Variants in NEK7 observed in about 807,000 individuals in gnomAD.
NEK7 encodes serine/threonine-protein kinase Nek7.
In NEK7, 18 loss-of-function variants were observed where a neutral mutation model predicts 44.6. The ratio of observed to expected loss-of-function variants is 0.40; its 90% confidence interval spans 0.28 to 0.60. The LOEUF is 0.60. Ranked by LOEUF, NEK7 falls within the 20% of genes least tolerant of loss-of-function variation. The pLI is 0.38. For missense variants in NEK7, 256 were observed against 366.5 expected (o/e 0.70, Z 2.46); for synonymous variants, 130 against 121.1 (o/e 1.07, Z -0.48).
At chr1:198,190,852 T>G (rs1665053261) in intron 1 of NEK7, among the ~76,000 whole-genome samples, 1 of 152,088 alleles carries the variant, frequency 6.6e-6, no homozygotes, top group Non-Finnish European at 1.5e-5. Context: ...AATCTTGGCT[T>G]TTCTAGACTA....
At position 198,321,404 on chromosome 1, in the gene NEK7, A is replaced by G. The variant is rs1655531271; in HGVS notation, c.*1882A>G. Reference sequence around the variant, plus strand: ...TAGAAGTATGAGAAGAATTATTCTTATTGACCATTAATGTCATGTTCATTT... The same window carrying G: ...TAGAAGTATGAGAAGAATTATTCTTGTTGACCATTAATGTCATGTTCATTT... On this transcript the variant is annotated 3_prime_UTR_variant, in exon 10 of 10. Coordinates refer to ENST00000367385, the MANE Select transcript of NEK7 (RefSeq NM_133494.3). 1 of 152,280 alleles carries G rather than the reference A, an allele frequency of 6.6e-6. No individual in the cohort carries two copies. The highest frequency in any genetic ancestry group is 6.5e-5 in the Admixed American group (1 of 15,300). 9.4% of individuals were successfully genotyped at this position (152,280 alleles called of 1,614,324 possible). A position where few individuals can be genotyped will look rare whatever the true frequency, so the allele number is the denominator to read the frequency against.
rs550461834 is a variant in NEK7 at position 198,189,025 on chromosome 1, T to C, written c.-29+31749T>C. Among the ~76,000 whole-genome samples the C allele has an allele frequency of 8.8e-4, 134 of 152,312 alleles. 1 individual carries two copies. The highest frequency in any genetic ancestry group is 3.4e-3 in the Middle Eastern group (1 of 294). On this transcript the variant is annotated intron_variant, in intron 1 of 9. Transcript: ENST00000367385. ...GTGATGATTTGTAGGTTATGGATAATATTTACATATCTGAATATTTCAATA... is the reference window on the plus strand; with the variant it reads ...GTGATGATTTGTAGGTTATGGATAACATTTACATATCTGAATATTTCAATA...
At chr1:198,171,361 TA>T (rs1349699541) in intron 1 of NEK7, among the ~76,000 whole-genome samples, 2 of 152,180 alleles carry the variant, frequency 1.3e-5, no homozygotes, top group African/African-American at 4.8e-5. Context: ...GCCTTCAGAA[TA>T]ATTTCTAACC....
Position 198,265,454 on chromosome 1 carries a change from G to A in NEK7, c.372+1219G>A, listed in dbSNP as rs1447836897. On this transcript the variant is annotated intron_variant, in intron 5 of 9. Coordinates refer to ENST00000367385, the MANE Select transcript of NEK7 (RefSeq NM_133494.3). ...TTAAAAGCAAGCAAAGGAATGAAAG[G>A]TTCATAGAGGGAAGAAAAGGGAAGC... Among the ~76,000 whole-genome samples the A allele has an allele frequency of 2.6e-5, 4 of 152,118 alleles. No individual in the cohort carries two copies. The South Asian group carries it at 8.3e-4, about 31-fold the overall frequency.
At chr1:198,166,631 G>A (rs528103525) in intron 1 of NEK7, among the ~76,000 whole-genome samples, 5 of 152,276 alleles carry the variant, frequency 3.3e-5, no homozygotes, top group African/African-American at 1.2e-4. Context: ...AGATGGGAAC[G>A]GCTGGTGCAG....
intron 1 of NEK7, among the ~76,000 whole-genome samples, chr1:198,169,246 C>G (rs1208229350): frequency 6.6e-6 from 1 of 152,154 alleles, no homozygotes; most frequent in Non-Finnish European, 1.5e-5. Context: ...AAATAGGTAG[C>G]TAAATGAGAT....
At chr1:198,225,539 T>TTC (rs772720865) in intron 1 of NEK7, among the ~76,000 whole-genome samples, 1 of 151,912 alleles carries the variant, frequency 6.6e-6, no homozygotes, top group Admixed American at 6.6e-5. Context: ...GATAGTGAAC[T>TTC]TCTCTCTCTC....
intron 1 of NEK7, among the ~76,000 whole-genome samples, chr1:198,160,133 C>T (rs1268675616): frequency 6.6e-6 from 1 of 152,070 alleles, no homozygotes; most frequent in African/African-American, 2.4e-5. Flanking sequence ...ACACTATTTT[C>T]CTAGGAACTA....
chr1:198,217,344 A>G (rs554426101), intron 1 of NEK7, among the ~76,000 whole-genome samples: 117 of 152,236 alleles, frequency 7.7e-4, no homozygotes, highest in Non-Finnish European at 1.5e-3. Context: ...ACAAAACCAT[A>G]TAATCATCTC....
intron 2 of NEK7, among the ~76,000 whole-genome samples, chr1:198,249,602 C>A (rs1327462244): frequency 1.3e-5 from 2 of 152,114 alleles, no homozygotes; most frequent in Non-Finnish European, 2.9e-5. Context: ...GATGGTATCT[C>A]ATAGTGGTTT....
At chr1:198,242,454 G>A (rs369975596) in intron 2 of NEK7, among the ~76,000 whole-genome samples, 50 of 144,416 alleles carry the variant, frequency 3.5e-4, no homozygotes, top group East Asian at 2.4e-3. Context: ...CTGAAATGCC[G>A]TGGCGTGATC....
chr1:198,158,285 T>C (rs73073187), intron 1 of NEK7, among the ~76,000 whole-genome samples: 4,215 of 152,240 alleles, frequency 0.028, 199 homozygotes, highest in African/African-American at 0.096. Flanking sequence ...TACACAGAAA[T>C]AAAATGATTA....
intron 7 of NEK7, among the ~76,000 whole-genome samples, chr1:198,281,480 A>G (rs1448573510): frequency 6.6e-6 from 1 of 152,084 alleles, no homozygotes; most frequent in African/African-American, 2.4e-5. Flanking sequence ...TGAAACTATA[A>G]ATAAATGAAA....
At chr1:198,281,049 G>A (rs1444124831) in intron 7 of NEK7, among the ~76,000 whole-genome samples, 2 of 151,732 alleles carry the variant, frequency 1.3e-5, no homozygotes, top group African/African-American at 4.8e-5. Flanking sequence ...AGTTCACTAA[G>A]CATAGTGCAT....
In NEK7 at chr1:198,249,050, C is replaced by T. The variant is rs1458959004; in HGVS notation, c.58-3990C>T. On this transcript the variant is annotated intron_variant, in intron 2 of 9. Transcript: ENST00000367385. ...AGCTATCCCTCCCCCCTCCCCCCACCCCACAACAGTCCCCAGAGTGTGATG... is the reference window on the plus strand; with the variant it reads ...AGCTATCCCTCCCCCCTCCCCCCACTCCACAACAGTCCCCAGAGTGTGATG... Among the ~76,000 whole-genome samples the T allele has an allele frequency of 3.4e-5, 4 of 119,082 alleles. No individual in the cohort carries two copies. In the Admixed American group the frequency reaches 4.0e-4, roughly 12 times the overall value. 78.1% of individuals were successfully genotyped at this position (119,082 alleles called of 152,430 possible). A position where few individuals can be genotyped will look rare whatever the true frequency, so the allele number is the denominator to read the frequency against.
chr1:198,218,317 G>A (rs1350421774), intron 1 of NEK7, among the ~76,000 whole-genome samples: 1 of 151,958 alleles, frequency 6.6e-6, no homozygotes, highest in African/African-American at 2.4e-5. Flanking sequence ...CATAAATTGG[G>A]AAATAGACAC....
intron 5 of NEK7, among the ~76,000 whole-genome samples, chr1:198,269,541 G>A (rs1439128808): frequency 6.6e-6 from 1 of 152,096 alleles, no homozygotes; most frequent in Admixed American, 6.6e-5. Flanking sequence ...GTGAATGCTT[G>A]AATTGTAATG....
chr1:198,311,670 G>A (rs185980165), intron 9 of NEK7, among the ~76,000 whole-genome samples: 252 of 151,938 alleles, frequency 1.7e-3, no homozygotes, highest in African/African-American at 5.8e-3. Context: ...TTTGTCAAAG[G>A]CCTTTTCTGC....
intron 2 of NEK7, among the ~76,000 whole-genome samples, chr1:198,241,770 G>C (rs1666690560): frequency 6.6e-6 from 1 of 152,154 alleles, no homozygotes; most frequent in Non-Finnish European, 1.5e-5. Flanking sequence ...ATTAGTAAAT[G>C]AGATGAATCA....
Sources: gnomAD v4.1 joint callset for allele counts (sites outside exome capture counted in the v4.1 genomes callset) on GRCh38, gnomAD v4.1.1 for gene constraint, MANE v1.5 for transcripts, NCBI Gene and HGNC (gene_info 2026-07-23, HGNC 2026-07-21) for gene names.